The following GRIN2A variants were observed in gnomAD, a reference collection of about 807,000 sequenced individuals.
The protein encoded by GRIN2A is glutamate receptor ionotropic, NMDA 2A.
Under a neutral mutation model 113.4 loss-of-function variants are expected in GRIN2A, and 22 were observed. The ratio of observed to expected loss-of-function variants is 0.19; its 90% CI spans 0.14 to 0.28. The LOEUF (loss-of-function observed/expected upper bound fraction) is 0.28, where lower values mean the gene tolerates loss of function less well. Among genes scored for constraint, GRIN2A ranks in the 10% least tolerant of loss-of-function variants. The pLI is 1.00. For synonymous variants in GRIN2A, 827 were observed against 738.4 expected (o/e 1.12, Z -1.94); for missense variants, 1,502 against 1,887.0 (o/e 0.80, Z 3.78).
At chr16:9,780,695 G>A (rs1160418611) in intron 11 of GRIN2A, among the ~76,000 whole-genome samples, 2 of 152,214 alleles carry the variant, frequency 1.3e-5, no homozygotes, top group Admixed American at 1.3e-4. Context: ...ACGAATGTAT[G>A]TCATAGTTTA....
chr16:10,140,788 C>A (rs1417917738), intron 2 of GRIN2A, among the ~76,000 whole-genome samples: 1 of 152,208 alleles, frequency 6.6e-6, no homozygotes, highest in Non-Finnish European at 1.5e-5. Flanking sequence ...AGGAAGTGGA[C>A]TCTGCACTCT....
At chr16:10,038,835 G>A (rs1472574151) in intron 2 of GRIN2A, among the ~76,000 whole-genome samples, 2 of 146,104 alleles carry the variant, frequency 1.4e-5, no homozygotes, top group African/African-American at 5.1e-5. Flanking sequence ...GCGACAGAAT[G>A]AGACTCCTTC....
chr16:10,048,301 T>A (rs540876072), intron 2 of GRIN2A, among the ~76,000 whole-genome samples: 1 of 152,316 alleles, frequency 6.6e-6, no homozygotes, highest in Admixed American at 6.5e-5. Flanking sequence ...TAAGCAATTA[T>A]TCCTTTTAAT....
intron 3 of GRIN2A, among the ~76,000 whole-genome samples, chr16:9,924,711 C>CA (rs61562903): frequency 0.91 from 138,075 of 152,242 alleles, 63,190 homozygotes; most frequent in African/African-American, 0.98. Context: ...ATGCATAGTT[C>CA]AATTGTGTTT....
chr16:9,917,269 G>A (rs1194820568), intron 3 of GRIN2A, among the ~76,000 whole-genome samples: 1 of 152,156 alleles, frequency 6.6e-6, no homozygotes, highest in Non-Finnish European at 1.5e-5. Context: ...ATTATTTTAT[G>A]TATTTGATTC....
At chr16:9,829,290 A>C (rs1329550214) in intron 9 of GRIN2A, 133 bp downstream of exon 9, 1 of 656,058 alleles carries the variant, frequency 1.5e-6, no homozygotes, top group East Asian at 2.7e-5. Flanking sequence ...ATTTGAGTTA[A>C]AGAGAAAAAA....
At chr16:10,080,023 G>C (rs1029462754) in intron 2 of GRIN2A, among the ~76,000 whole-genome samples, 7 of 152,208 alleles carry the variant, frequency 4.6e-5, no homozygotes, top group African/African-American at 1.7e-4. Context: ...GAACTGAATT[G>C]ATGGCACTTT....
chr16:10,163,374 AC>A (rs775950815), intron 2 of GRIN2A, among the ~76,000 whole-genome samples: 44 of 152,192 alleles, frequency 2.9e-4, no homozygotes, highest in Admixed American at 7.9e-4. Flanking sequence ...TCTCAGCCCT[AC>A]CTCCCTTTTT....
chr16:10,145,653 T>G (rs1439200195), intron 2 of GRIN2A, among the ~76,000 whole-genome samples: 6 of 152,172 alleles, frequency 3.9e-5, no homozygotes, highest in Admixed American at 1.3e-4. Flanking sequence ...AAAGAAAAAT[T>G]GATTAAATAA....
At chr16:9,981,722 C>G (rs2045895851) in intron 2 of GRIN2A, among the ~76,000 whole-genome samples, 1 of 152,128 alleles carries the variant, frequency 6.6e-6, no homozygotes, top group Admixed American at 6.5e-5. Flanking sequence ...GTTCTATATA[C>G]TTTTAGAAAA....
chr16:10,094,713 G>A (rs2142091835), intron 2 of GRIN2A, among the ~76,000 whole-genome samples: 2 of 152,194 alleles, frequency 1.3e-5, no homozygotes, highest in East Asian at 3.9e-4. Context: ...ACCTCCCAAA[G>A]TGCTGGGATT....
At chr16:10,065,930 G>A (rs1026080883) in intron 2 of GRIN2A, among the ~76,000 whole-genome samples, 6 of 152,080 alleles carry the variant, frequency 3.9e-5, no homozygotes, top group East Asian at 3.9e-4. Context: ...GGTCTCTTAC[G>A]AATAGAGAGC....
intron 2 of GRIN2A, among the ~76,000 whole-genome samples, chr16:10,023,210 C>A (rs529105360): frequency 6.6e-6 from 1 of 152,276 alleles, no homozygotes; most frequent in Admixed American, 6.5e-5. Context: ...ACAGCTGCCC[C>A]CAATGTTCAG....
chr16:10,039,093 C>T (rs1372671018), intron 2 of GRIN2A, among the ~76,000 whole-genome samples: 6 of 152,134 alleles, frequency 3.9e-5, no homozygotes, highest in Admixed American at 1.3e-4. Flanking sequence ...CTGACGCTAG[C>T]ACAGTGCCCG....
rs141572434 is a variant in GRIN2A, at chr16:10,005,543, G to A, written c.415-66992C>T. Reference sequence around the variant, plus strand: ...CCAGATACGTAAAGAGGTAAACTGGGGGGGTCCACGCCCTACCTGGAGAAA... The same window carrying A: ...CCAGATACGTAAAGAGGTAAACTGGAGGGGTCCACGCCCTACCTGGAGAAA... On this transcript the variant is annotated intron_variant, in intron 2 of 12. Coordinates refer to ENST00000330684, the MANE Select transcript of GRIN2A (RefSeq NM_001134407.3). Among the ~76,000 whole-genome samples the A allele has an allele frequency of 1.1e-3, 173 of 152,328 alleles. 1 individual carries two copies. Among genetic ancestry groups the A allele is most frequent in the Middle Eastern group, 3.4e-3 (1 of 294 alleles).
At chr16:10,173,194 T>C (rs2142364552) in intron 2 of GRIN2A, among the ~76,000 whole-genome samples, 1 of 152,202 alleles carries the variant, frequency 6.6e-6, no homozygotes, top group South Asian at 2.1e-4. Flanking sequence ...GTCTCCCCAC[T>C]CTCCCAGGAA....
At chr16:10,164,794 C>G (rs976921855) in intron 2 of GRIN2A, among the ~76,000 whole-genome samples, 18 of 152,110 alleles carry the variant, frequency 1.2e-4, no homozygotes, top group Non-Finnish European at 2.4e-4. Flanking sequence ...ATATGCAATA[C>G]CTAGGGAATA....
intron 2 of GRIN2A, among the ~76,000 whole-genome samples, chr16:9,942,763 C>G (rs142866597): frequency 5.3e-5 from 8 of 152,264 alleles, no homozygotes; most frequent in African/African-American, 1.9e-4. Context: ...AGCAATGAAT[C>G]CATGCTTTGG....
chr16:9,967,064 G>C (rs7188069), intron 2 of GRIN2A, among the ~76,000 whole-genome samples: 47,576 of 152,046 alleles, frequency 0.31, 7,906 homozygotes, highest in African/African-American at 0.36. Flanking sequence ...ACTCATGTTC[G>C]ACACTTCAGT....
Sources: gnomAD v4.1 joint callset for allele counts (sites outside exome capture counted in the v4.1 genomes callset) on GRCh38, gnomAD v4.1.1 for gene constraint, MANE v1.5 for transcripts, NCBI Gene and HGNC (gene_info 2026-07-23, HGNC 2026-07-21) for gene names.